The following GALNT13 variants were observed in gnomAD, a reference collection of about 807,000 sequenced individuals.
The protein encoded by GALNT13 is polypeptide N-acetylgalactosaminyltransferase 13, also known as UDP-GalNAc:polypeptide N-acetylgalactosaminyltransferase 13.
In GALNT13, 28 loss-of-function variants were observed where a neutral mutation model predicts 64.2. That is an observed-to-expected ratio of 0.44 (90% CI 0.32 to 0.60). The LOEUF is 0.60. Ranked by LOEUF, GALNT13 falls within the 20% of genes least tolerant of loss-of-function variation. The pLI, the probability that GALNT13 is intolerant of heterozygous loss-of-function variation, is 0.05. For missense variants in GALNT13, 577 were observed against 669.8 expected (o/e 0.86, Z 1.53); for synonymous variants, 214 against 224.6 (o/e 0.95, Z 0.42).
intron 1 of GALNT13, among the ~76,000 whole-genome samples, chr2:153,887,037 C>T (rs1028602276): frequency 6.6e-6 from 1 of 151,914 alleles, no homozygotes; most frequent in African/African-American, 2.4e-5. Flanking sequence ...AACTTAGTTA[C>T]CTCATCTTTA....
the GALNT13 span, among the ~76,000 whole-genome samples, chr2:153,648,798 G>T: frequency 6.6e-6 from 1 of 152,136 alleles, no homozygotes; most frequent in Non-Finnish European, 1.5e-5. Context: ...AACCAGCCTT[G>T]CATCCTAGGG....
chr2:154,157,405 G>T (rs988271289), intron 4 of GALNT13, among the ~76,000 whole-genome samples: 12 of 151,990 alleles, frequency 7.9e-5, no homozygotes, highest in Non-Finnish European at 1.2e-4. Flanking sequence ...AAGAGATGGG[G>T]TCTCACTATG....
At chr2:153,711,986 C>T in the GALNT13 span, among the ~76,000 whole-genome samples, 2 of 152,144 alleles carry the variant, frequency 1.3e-5, no homozygotes, top group Non-Finnish European at 2.9e-5. Flanking sequence ...AAATACGCTA[C>T]TTCTCCAAAT....
chr2:154,282,180 A>C (rs1488217888), intron 8 of GALNT13, among the ~76,000 whole-genome samples: 1 of 152,108 alleles, frequency 6.6e-6, no homozygotes, highest in Non-Finnish European at 1.5e-5. Flanking sequence ...GACCTGAAAA[A>C]TTCTCCTAAA....
At chr2:154,403,201 C>T (rs1483254712) in intron 10 of GALNT13, among the ~76,000 whole-genome samples, 1 of 152,096 alleles carries the variant, frequency 6.6e-6, no homozygotes, top group Middle Eastern at 3.2e-3. Flanking sequence ...CGCCTGTAAC[C>T]TAGCACTTTG....
At chr2:153,898,500 A>G (rs1688024560) in intron 1 of GALNT13, among the ~76,000 whole-genome samples, 2 of 152,244 alleles carry the variant, frequency 1.3e-5, no homozygotes, top group South Asian at 4.1e-4. Context: ...TTAATGTATC[A>G]TAATTATTTT....
chr2:153,878,164 A>G (rs1686521250), intron 1 of GALNT13, among the ~76,000 whole-genome samples: 1 of 152,222 alleles, frequency 6.6e-6, no homozygotes, highest in African/African-American at 2.4e-5. Flanking sequence ...TCTCAATTTT[A>G]TAAAAGTGGA....
the GALNT13 span, among the ~76,000 whole-genome samples, chr2:153,627,522 G>A: frequency 8.6e-4 from 131 of 152,140 alleles, no homozygotes; most frequent in African/African-American, 3.1e-3. Context: ...GTGAAAAACA[G>A]TCTTAGAAAA....
At chr2:153,973,984 T>C (rs765866360) in intron 3 of GALNT13, among the ~76,000 whole-genome samples, 3 of 152,032 alleles carry the variant, frequency 2.0e-5, no homozygotes, top group Non-Finnish European at 4.4e-5. Flanking sequence ...TGAAGAACAA[T>C]TTGATGTTAC....
chr2:153,356,583 C>G, the GALNT13 span: 1 of 152,134 alleles, frequency 6.6e-6, no homozygotes, highest in Non-Finnish European at 1.5e-5. Flanking sequence ...TACTAACATT[C>G]TAAAAGCAGG....
the GALNT13 span, among the ~76,000 whole-genome samples, chr2:153,798,936 T>C: frequency 6.6e-6 from 1 of 152,266 alleles, no homozygotes; most frequent in African/African-American, 2.4e-5. Flanking sequence ...TGTTTGTGTA[T>C]AAGCATGTGT....
chr2:153,896,580 ATTTAT>A (rs911025359), intron 1 of GALNT13, among the ~76,000 whole-genome samples: 1 of 151,464 alleles, frequency 6.6e-6, no homozygotes, highest in African/African-American at 2.4e-5. Context: ...TTTTTTTCTG[ATTTAT>A]TTATTTTTAA....
At chr2:153,551,147 C>T in the GALNT13 span, among the ~76,000 whole-genome samples, 1 of 152,144 alleles carries the variant, frequency 6.6e-6, no homozygotes, top group Non-Finnish European at 1.5e-5. Context: ...TGGGAGTTTA[C>T]ACACCTGCCT....
At chr2:154,432,290 A>T (rs2105451016) in intron 11 of GALNT13, among the ~76,000 whole-genome samples, 1 of 152,106 alleles carries the variant, frequency 6.6e-6, no homozygotes, top group East Asian at 1.9e-4. Flanking sequence ...CCCAGATACC[A>T]AGATACAATA....
At chr2:153,871,850 G>C (rs1375090181), upstream of GALNT13, 1 of 145,214 alleles carries the variant, frequency 6.9e-6, no homozygotes, top group Non-Finnish European at 1.5e-5. Flanking sequence ...GAGAGGAGGA[G>C]GGACCACGCG....
chr2:154,242,047 A>C lies in GALNT13; in HGVS notation c.329A>C (p.Tyr110Ser). ...VRLEGCKTKV[Y>S]PDELPNTSVV... ...TTTTTCAGATGTAAGACAAAAGTCT[A>C]CCCTGATGAACTTCCAAACACAAGT... Residue 110 changes from tyrosine (Y) to serine (S), a missense_variant, in exon 5 of 13, where the codon TAC becomes TCC. Transcript: ENST00000392825. 6.2e-7 allele frequency: 1 copy of C among 1,603,688 alleles called. No homozygotes were observed. The highest frequency in any genetic ancestry group is 8.5e-7 in the Non-Finnish European group (1 of 1,175,308).
chr2:154,021,217 G>A lies in GALNT13; in HGVS notation c.142+76578G>A, dbSNP rs553575441. On this transcript the variant is annotated intron_variant, in intron 3 of 12. Transcript: ENST00000392825. ...TTGGTTCCATATGAACTTTAAATTA[G>A]TTTTTTCCAATTCTGTGAAGAAAGT... Among the ~76,000 whole-genome samples the A allele has an allele frequency of 2.1e-4, 32 of 152,234 alleles. 1 individual carries two copies. In the South Asian group the frequency reaches 6.6e-3, roughly 32 times the overall value.
chr2:153,198,499 T>A, the GALNT13 span, among the ~76,000 whole-genome samples: 3 of 152,218 alleles, frequency 2.0e-5, no homozygotes, highest in African/African-American at 7.2e-5. Context: ...ATCTGCTGAA[T>A]TTCAGCATTC....
At chr2:153,203,161 G>C in the GALNT13 span, among the ~76,000 whole-genome samples, 1 of 152,176 alleles carries the variant, frequency 6.6e-6, no homozygotes, top group Non-Finnish European at 1.5e-5. Context: ...TAGAATTCAT[G>C]CTTCAGATTA....
Sources: gnomAD v4.1 joint callset for allele counts (sites outside exome capture counted in the v4.1 genomes callset) on GRCh38, gnomAD v4.1.1 for gene constraint, MANE v1.5 for transcripts, NCBI Gene and HGNC (gene_info 2026-07-23, HGNC 2026-07-21) for gene names.